The following HS3ST4 variants were observed in gnomAD, a reference collection of about 807,000 sequenced individuals.
HS3ST4 encodes the protein heparan sulfate-glucosamine 3-sulfotransferase 4, also known as heparan sulfate glucosamine 3-O-sulfotransferase 4.
Under a neutral mutation model 29.2 loss-of-function variants are expected in HS3ST4, and 17 were observed. The ratio of observed to expected loss-of-function variants is 0.58; its 90% CI spans 0.40 to 0.87. HS3ST4 has a LOEUF of 0.87. Ranked by LOEUF, HS3ST4 falls within the 40% of genes least tolerant of loss-of-function variation. The pLI, the probability that HS3ST4 is intolerant of heterozygous loss-of-function variation, is 0.00. For missense variants in HS3ST4, 627 were observed against 634.5 expected (o/e 0.99, Z 0.13); for synonymous variants, 314 against 285.7 (o/e 1.10, Z -1.00).
At chr16:25,910,558 G>A (rs554661922) in intron 1 of HS3ST4, among the ~76,000 whole-genome samples, 2 of 151,796 alleles carry the variant, frequency 1.3e-5, no homozygotes, top group Non-Finnish European at 2.9e-5. Flanking sequence ...CAGGAGAATC[G>A]CTTGAACCCA....
intron 1 of HS3ST4, among the ~76,000 whole-genome samples, chr16:25,757,620 T>C (rs1398050689): frequency 6.6e-6 from 1 of 150,376 alleles, no homozygotes; most frequent in Non-Finnish European, 1.5e-5. Flanking sequence ...AGTGTAAAAA[T>C]AACGAATGTG....
At chr16:25,764,646 C>T (rs544297827) in intron 1 of HS3ST4, among the ~76,000 whole-genome samples, 5 of 152,272 alleles carry the variant, frequency 3.3e-5, no homozygotes, top group South Asian at 2.1e-4. Context: ...TTTGACTGCC[C>T]CTAGAATAGG....
intron 1 of HS3ST4, among the ~76,000 whole-genome samples, chr16:25,757,623 C>T (rs971065292): frequency 4.0e-5 from 6 of 150,202 alleles, no homozygotes; most frequent in Non-Finnish European, 5.9e-5. Flanking sequence ...GTAAAAATAA[C>T]GAATGTGTCC....
intron 1 of HS3ST4, among the ~76,000 whole-genome samples, chr16:25,922,502 A>G (rs890056173): frequency 6.6e-6 from 1 of 152,326 alleles, no homozygotes; most frequent in African/African-American, 2.4e-5. Flanking sequence ...TACCCAGGCT[A>G]TGGTGTTTTG....
At chr16:25,801,714 C>T (rs112704400) in intron 1 of HS3ST4, among the ~76,000 whole-genome samples, 7 of 151,992 alleles carry the variant, frequency 4.6e-5, no homozygotes, top group Non-Finnish European at 7.4e-5. Context: ...TTTGGGACAT[C>T]GTCTTTGTCC....
chr16:26,007,006 C>T (rs1242543440), intron 1 of HS3ST4, among the ~76,000 whole-genome samples: 1 of 152,190 alleles, frequency 6.6e-6, no homozygotes, highest in Non-Finnish European at 1.5e-5. Flanking sequence ...TAGATCAGAT[C>T]TCTTTCACTG....
intron 1 of HS3ST4, among the ~76,000 whole-genome samples, chr16:26,118,861 C>T (rs9937573): frequency 0.79 from 119,982 of 152,086 alleles, 47,964 homozygotes; most frequent in Middle Eastern, 0.87. Context: ...ATATAGGGCT[C>T]GTAATCCATG....
intron 1 of HS3ST4, among the ~76,000 whole-genome samples, chr16:25,828,298 TTCCCTCTC>T (rs1335773850): frequency 6.4e-4 from 18 of 27,922 alleles, no homozygotes; most frequent in South Asian, 5.8e-3. Flanking sequence ...CTTTCTTTCT[TTCCCTCTC>T]TCTCTCTCTC....
chr16:26,009,445 G>A (rs1386028771), intron 1 of HS3ST4, among the ~76,000 whole-genome samples: 1 of 152,202 alleles, frequency 6.6e-6, no homozygotes, highest in Admixed American at 6.5e-5. Context: ...GAGTTAATGG[G>A]TGCATATTGG....
chr16:26,075,135 G>A (rs1898646616), intron 1 of HS3ST4, among the ~76,000 whole-genome samples: 5 of 152,224 alleles, frequency 3.3e-5, no homozygotes, highest in Admixed American at 3.3e-4. Context: ...AGAGGTTGCA[G>A]TGAGCCGAGG....
intron 1 of HS3ST4, among the ~76,000 whole-genome samples, chr16:26,051,865 C>T (rs1303677210): frequency 6.8e-6 from 1 of 146,394 alleles, no homozygotes; most frequent in Non-Finnish European, 1.5e-5. Context: ...TTTCTCCTTC[C>T]CTGCCTCCCT....
At chr16:25,927,242 T>A (rs1968413953) in intron 1 of HS3ST4, among the ~76,000 whole-genome samples, 2 of 152,134 alleles carry the variant, frequency 1.3e-5, no homozygotes, top group South Asian at 2.1e-4. Context: ...GGGAAAAAAA[T>A]TGCCAGAGAG....
chr16:25,892,767 G>A (rs77736839), intron 1 of HS3ST4, among the ~76,000 whole-genome samples: 8,911 of 152,144 alleles, frequency 0.059, 320 homozygotes, highest in East Asian at 0.16. Flanking sequence ...CTTTTCCAGG[G>A]AATAAATCTA....
chr16:26,084,664 A>G (rs1264830938), intron 1 of HS3ST4, among the ~76,000 whole-genome samples: 1 of 152,150 alleles, frequency 6.6e-6, no homozygotes, highest in Non-Finnish European at 1.5e-5. Context: ...TCTGGAGTAC[A>G]GTAGCATGAT....
chr16:25,999,864 T>TTATATATTTTATATATATTATATA (rs1479357244), intron 1 of HS3ST4, among the ~76,000 whole-genome samples: 4 of 129,168 alleles, frequency 3.1e-5, no homozygotes, highest in South Asian at 2.3e-4. Context: ...TATATATATA[T>TTATATATTTTATATATATTATATA]TATATATTTT....
rs529803443 is a variant in HS3ST4, at chr16:25,919,353, G to A, written c.735-216259G>A. On this transcript the variant is annotated intron_variant, in intron 1 of 1. Transcript: ENST00000331351. ...CCAGTAATACATTTTAGAAGTTACC[G>A]TTATAGGAACAAAGTAGAAAAGATA... Among the ~76,000 whole-genome samples the A allele has an allele frequency of 6.0e-4, 91 of 152,224 alleles. No homozygotes were observed. The South Asian group carries it at 0.014, about 23-fold the overall frequency.
chr16:26,108,888 G>A (rs965527578), intron 1 of HS3ST4, among the ~76,000 whole-genome samples: 21 of 152,204 alleles, frequency 1.4e-4, no homozygotes, highest in African/African-American at 4.6e-4. Flanking sequence ...ATGAATAAAC[G>A]TATGTTAGGT....
At chr16:25,853,695 G>A (rs1967544128) in intron 1 of HS3ST4, among the ~76,000 whole-genome samples, 1 of 152,104 alleles carries the variant, frequency 6.6e-6, no homozygotes, top group South Asian at 2.1e-4. Flanking sequence ...TGCATACATT[G>A]AACCATCCCA....
chr16:25,855,136 A>T (rs1020133266), intron 1 of HS3ST4, among the ~76,000 whole-genome samples: 1 of 152,138 alleles, frequency 6.6e-6, no homozygotes, highest in Non-Finnish European at 1.5e-5. Flanking sequence ...TTTTTGATTG[A>T]TGGGTGGATT....
Sources: gnomAD v4.1 joint callset for allele counts (sites outside exome capture counted in the v4.1 genomes callset) on GRCh38, gnomAD v4.1.1 for gene constraint, MANE v1.5 for transcripts, NCBI Gene and HGNC (gene_info 2026-07-23, HGNC 2026-07-21) for gene names.